The following SYNGR1 variants were observed in gnomAD, a reference collection of about 807,000 sequenced individuals.
SYNGR1 encodes synaptogyrin-1.
A neutral mutation model predicts 26.1 loss-of-function variants in SYNGR1; 14 were observed. The observed-to-expected ratio is 0.54, with a 90% CI of 0.35 to 0.84. The LOEUF (loss-of-function observed/expected upper bound fraction) is 0.84, where lower values mean the gene tolerates loss of function less well. Among genes scored for constraint, SYNGR1 ranks in the 40% least tolerant of loss-of-function variants. The probability of loss-of-function intolerance (pLI) is 0.01; values close to 1 mark genes in which losing one functional copy is unlikely to be tolerated. For synonymous variants in SYNGR1, 141 were observed against 150.1 expected (o/e 0.94, Z 0.44); for missense variants, 319 against 332.9 (o/e 0.96, Z 0.33).
chr22:39,375,794 C>T (rs1334036522), intron 2 of SYNGR1: 9 of 617,572 alleles, frequency 1.5e-5, no homozygotes, highest in Non-Finnish European at 2.1e-5. Context: ...CGTGGCTCTC[C>T]TCTGACTGGC....
At chr22:39,370,487 G>A (rs184155183) in intron 1 of SYNGR1, among the ~76,000 whole-genome samples, 12 of 152,056 alleles carry the variant, frequency 7.9e-5, no homozygotes, top group East Asian at 7.7e-4. Context: ...TGTTGCCCAC[G>A]CTGGTTGTTC....
intron 1 of SYNGR1, among the ~76,000 whole-genome samples, chr22:39,354,470 G>A (rs1386883739): frequency 6.6e-6 from 1 of 152,138 alleles, no homozygotes; most frequent in African/African-American, 2.4e-5. Flanking sequence ...TGGCCTGAGG[G>A]GGGCAGCTTC....
intron 3 of SYNGR1, among the ~76,000 whole-genome samples, chr22:39,380,181 G>C (rs1159243213): frequency 7.2e-6 from 1 of 139,054 alleles, no homozygotes; most frequent in South Asian, 2.4e-4. Flanking sequence ...AAAAAAAAAC[G>C]GGGCGGCTTC....
At chr22:39,376,924 C>T (rs766720821) in intron 3 of SYNGR1, 3 of 1,541,810 alleles carry the variant, frequency 1.9e-6, no homozygotes, top group Non-Finnish European at 2.6e-6. Flanking sequence ...TCTCTGGGCC[C>T]AGCAGGCCCT....
intron 3 of SYNGR1, among the ~76,000 whole-genome samples, chr22:39,381,102 G>T (rs144708293): frequency 5.9e-5 from 9 of 152,084 alleles, no homozygotes; most frequent in Non-Finnish European, 1.0e-4. Flanking sequence ...GGCATGAGCC[G>T]CGGTGCATGG....
rs1923857683 is a variant in SYNGR1 at position 39,350,568 on chromosome 22, G to A, written c.99+459G>A. ...GCCGCGCCTGCGATGGACGTTGGAGGAGGAGAGGGCCGGGAACCGGGTTCG... is the reference window on the plus strand; with the variant it reads ...GCCGCGCCTGCGATGGACGTTGGAGAAGGAGAGGGCCGGGAACCGGGTTCG... On this transcript the variant is annotated intron_variant, in intron 1 of 3. Transcript: ENST00000328933. This position sits in a 1 kb window ranked among gnomAD's most constrained non-coding sequence, Gnocchi z 4.3. Among the ~76,000 whole-genome samples, 1 of 152,156 alleles carries A rather than the reference G, an allele frequency of 6.6e-6. No individual in the cohort carries two copies. Among genetic ancestry groups the A allele is most frequent in the African/African-American group, 2.4e-5 (1 of 41,444 alleles).
intron 1 of SYNGR1, among the ~76,000 whole-genome samples, chr22:39,361,356 CTT>C (rs71326762): frequency 1.6e-4 from 19 of 122,270 alleles, no homozygotes; most frequent in African/African-American, 2.6e-4. Flanking sequence ...TAACCCTGCC[CTT>C]TTTTTTTTTT....
In SYNGR1 at chr22:39,384,378, G is replaced by C; in HGVS notation, c.*2464G>C. On this transcript the variant is annotated 3_prime_UTR_variant, in exon 4 of 4. Coordinates refer to ENST00000328933, the MANE Select transcript of SYNGR1 (RefSeq NM_004711.5). The stretch of plus-strand genomic sequence containing the variant: ...GGAAAGCTGTCAAGACTCCTGCCAG[G>C]AATGGGGGGTGCTGAGTCATCTCAC... 2.5e-6 allele frequency: 1 copy of C among 397,630 alleles called. No individual in the cohort carries two copies. The highest frequency in any genetic ancestry group is 4.4e-6 in the Non-Finnish European group (1 of 225,862). The allele number at this position is 397,630 out of a possible 1,614,324, so 24.6% of individuals were successfully genotyped here. A position where few individuals can be genotyped will look rare whatever the true frequency, so the allele number is the denominator to read the frequency against.
chr22:39,363,801 G>A (rs1924602472), intron 1 of SYNGR1, among the ~76,000 whole-genome samples: 1 of 152,122 alleles, frequency 6.6e-6, no homozygotes, highest in African/African-American at 2.4e-5. Flanking sequence ...GCAGGGCAGG[G>A]ACCAGGGCTC....
chr22:39,359,184 G>A (rs535778642), intron 1 of SYNGR1, among the ~76,000 whole-genome samples: 4 of 152,280 alleles, frequency 2.6e-5, no homozygotes, highest in African/African-American at 9.6e-5. Context: ...TCCCTCTGCT[G>A]GGTGTAGAGG....
At position 39,376,139 on chromosome 22, in the gene SYNGR1, A is replaced by G; in HGVS notation, c.425A>G (p.Glu142Gly). 1 of 1,614,146 alleles carries G rather than the reference A, an allele frequency of 6.2e-7. No individual in the cohort carries two copies. The highest frequency in any genetic ancestry group is 8.5e-7 in the Non-Finnish European group (1 of 1,180,020). Reference sequence around the variant, plus strand: ...AAGCCCAAGGACAACCCACTGAACGAAGGGACGGACGCAGCCCGGGCCGCC... The same window carrying G: ...AAGCCCAAGGACAACCCACTGAACGGAGGGACGGACGCAGCCCGGGCCGCC... Reference protein sequence around the residue: ...VSKPKDNPLNEGTDAARAAIA... With the variant: ...VSKPKDNPLNGGTDAARAAIA... Residue 142 changes from glutamate (E) to glycine (G), a missense_variant, in exon 3 of 4, where the codon GAA becomes GGA. Transcript: ENST00000328933.
rs1194420828 is a variant in SYNGR1 at position 39,350,931 on chromosome 22, T to G, written c.99+822T>G. Reference sequence around the variant, plus strand: ...TGCTCCCACAGTGAAGAGGCCAGGGTGGCCTCCAGCCTAGCTGGGGGGCAG... The same window carrying G: ...TGCTCCCACAGTGAAGAGGCCAGGGGGGCCTCCAGCCTAGCTGGGGGGCAG... On this transcript the variant is annotated intron_variant, in intron 1 of 3. Coordinates refer to ENST00000328933, the MANE Select transcript of SYNGR1 (RefSeq NM_004711.5). This position sits in a 1 kb window ranked among gnomAD's most constrained non-coding sequence, Gnocchi z 4.3. 6.6e-6 allele frequency among the ~76,000 whole-genome samples: 1 copy of G among 152,000 alleles called. No homozygotes were observed. The highest frequency in any genetic ancestry group is 1.9e-4 in the East Asian group (1 of 5,174).
At chr22:39,367,539 T>C (rs756632522) in intron 1 of SYNGR1, among the ~76,000 whole-genome samples, 10 of 152,144 alleles carry the variant, frequency 6.6e-5, no homozygotes, top group Non-Finnish European at 1.5e-4. Flanking sequence ...GCTTGGGTTG[T>C]AGACCGCGCG....
chr22:39,375,726 G>T (rs576666416), intron 2 of SYNGR1: 32 of 596,124 alleles, frequency 5.4e-5, no homozygotes, highest in Admixed American at 1.2e-4. Flanking sequence ...GCAGAAATGC[G>T]GCCTGAGTTG....
At chr22:39,370,953 GA>G (rs1302007217) in intron 1 of SYNGR1, among the ~76,000 whole-genome samples, 1 of 152,072 alleles carries the variant, frequency 6.6e-6, no homozygotes, top group Admixed American at 6.6e-5. Flanking sequence ...CTCCTTTCAG[GA>G]AAAATGTTTG....
intron 1 of SYNGR1, among the ~76,000 whole-genome samples, chr22:39,357,105 C>G (rs943185123): frequency 3.9e-5 from 6 of 151,990 alleles, no homozygotes; most frequent in Admixed American, 3.9e-4. Context: ...TAAAAATACA[C>G]AAATTAGCCG....
intron 1 of SYNGR1, among the ~76,000 whole-genome samples, chr22:39,362,825 C>G (rs2267408): frequency 0.67 from 102,069 of 151,874 alleles, 34,572 homozygotes; most frequent in Admixed American, 0.74. Flanking sequence ...CTTTCTACCC[C>G]CCGTGCTGCC....
chr22:39,369,609 GGAGACCTGGGTTCAACTT>G (rs1179259259), intron 1 of SYNGR1, among the ~76,000 whole-genome samples: 1 of 152,236 alleles, frequency 6.6e-6, no homozygotes, highest in Non-Finnish European at 1.5e-5. Flanking sequence ...CTGGGAATCA[GGAGACCTGGGTTCAACTT>G]CAGCCTGTGC....
At position 39,367,129 on chromosome 22, in the gene SYNGR1, GTTC is replaced by G. The variant is rs1454879405; in HGVS notation, c.100-7183_100-7181del. On this transcript the variant is annotated intron_variant, in intron 1 of 3. Coordinates refer to ENST00000328933, the MANE Select transcript of SYNGR1 (RefSeq NM_004711.5). Reference sequence around the variant, plus strand: ...AGTCCGCCTCCTCTTGCCCTGCTTCGTTCTTCATGACACTTGTCTCCCTCGGTA... The same window carrying G: ...AGTCCGCCTCCTCTTGCCCTGCTTCGTTCATGACACTTGTCTCCCTCGGTA... Among the ~76,000 whole-genome samples, 3 of 152,288 alleles carry G rather than the reference GTTC, an allele frequency of 2.0e-5. No individual in the cohort carries two copies. The East Asian group carries it at 5.8e-4, about 29-fold the overall frequency.
Sources: allele counts gnomAD v4.1 joint callset (sites outside exome capture counted in the v4.1 genomes callset), GRCh38; gene constraint gnomAD v4.1.1; non-coding constraint Gnocchi (gnomAD v3.1); transcripts MANE v1.5; gene names NCBI Gene and HGNC (gene_info 2026-07-23, HGNC 2026-07-21).